The following GSE1 variants were observed in gnomAD, a reference collection of about 807,000 sequenced individuals.
The protein encoded by GSE1 is genetic suppressor element 1.
A neutral mutation model predicts 112.6 loss-of-function variants in GSE1; 32 were observed. The observed-to-expected ratio is 0.28, with a 90% CI of 0.21 to 0.38. The LOEUF is 0.38. Ranked by LOEUF, GSE1 falls within the 10% of genes least tolerant of loss-of-function variation. GSE1 has a pLI of 1.00. For synonymous variants in GSE1, 1,115 were observed against 735.6 expected, an observed-to-expected ratio of 1.52 and a Z score of -8.35; for missense variants, 2,348 against 1,699.2, an observed-to-expected ratio of 1.38 and a Z score of -6.71.
intron 1 of GSE1, among the ~76,000 whole-genome samples, chr16:85,240,614 C>T (rs540221735): frequency 1.3e-5 from 2 of 152,286 alleles, no homozygotes; most frequent in East Asian, 1.9e-4. Context: ...AGGGGTCTCC[C>T]AGACTTAAAC....
chr16:85,360,188 A>C (rs2047033282), intron 2 of GSE1, among the ~76,000 whole-genome samples: 1 of 152,114 alleles, frequency 6.6e-6, no homozygotes, highest in South Asian at 2.1e-4. Flanking sequence ...GTCCCTGGAA[A>C]GAACCTTGTC....
Position 85,652,600 on chromosome 16 carries a change from A to C in GSE1, c.427-1678A>C, listed in dbSNP as rs983482204. ...TTAATCCTCGCTGACTGTCTCCTGGAGGGTGGAGAGAGGGGAGGCGCCGGC... is the reference window on the plus strand; with the variant it reads ...TTAATCCTCGCTGACTGTCTCCTGGCGGGTGGAGAGAGGGGAGGCGCCGGC... On this transcript the variant is annotated intron_variant, in intron 3 of 15. Coordinates refer to ENST00000253458, the MANE Select transcript of GSE1 (RefSeq NM_014615.5). Among the ~76,000 whole-genome samples the C allele has an allele frequency of 1.1e-3, 162 of 152,178 alleles. 1 individual carries two copies. Among genetic ancestry groups the C allele is most frequent in the African/African-American group, 3.7e-3 (152 of 41,524 alleles).
At chr16:85,480,746 A>C (rs2151870205) in intron 2 of GSE1, among the ~76,000 whole-genome samples, 2 of 152,026 alleles carry the variant, frequency 1.3e-5, no homozygotes, top group Admixed American at 1.3e-4. Flanking sequence ...CTGGGTGGCC[A>C]GCACTGTCGG....
chr16:85,589,095 C>T (rs1567620383), intron 1 of GSE1, among the ~76,000 whole-genome samples: 1 of 152,120 alleles, frequency 6.6e-6, no homozygotes, highest in Admixed American at 6.5e-5. Flanking sequence ...TCCCCGTGTA[C>T]CCGCCTCTCC....
chr16:85,377,724 C>T (rs567554282), intron 2 of GSE1, among the ~76,000 whole-genome samples: 9 of 152,356 alleles, frequency 5.9e-5, no homozygotes, highest in South Asian at 4.1e-4. Flanking sequence ...CCGGGAGTGG[C>T]CGGCACCAGG....
chr16:85,319,159 A>C (rs2046046740), intron 1 of GSE1, among the ~76,000 whole-genome samples: 1 of 152,168 alleles, frequency 6.6e-6, no homozygotes, highest in South Asian at 2.1e-4. Flanking sequence ...CATTTAGGCA[A>C]ATGCCCAGGC....
chr16:85,390,042 G>C (rs2047801412), intron 2 of GSE1, among the ~76,000 whole-genome samples: 1 of 152,182 alleles, frequency 6.6e-6, no homozygotes, highest in African/African-American at 2.4e-5. Context: ...CGGGGCCTAG[G>C]CTGGGATTCA....
chr16:85,376,507 G>A (rs1038966429), intron 2 of GSE1, among the ~76,000 whole-genome samples: 1 of 152,226 alleles, frequency 6.6e-6, no homozygotes, highest in African/African-American at 2.4e-5. Context: ...GTGGCCGGGT[G>A]GTGTGGGCAG....
At chr16:85,634,806 T>G (rs1187002623) in intron 2 of GSE1, among the ~76,000 whole-genome samples, 1 of 152,190 alleles carries the variant, frequency 6.6e-6, no homozygotes, top group Admixed American at 6.5e-5. Context: ...GCTCTGGCTC[T>G]GGGGTACTTT....
intron 1 of GSE1, among the ~76,000 whole-genome samples, chr16:85,184,077 G>A (rs1170046968): frequency 2.0e-5 from 3 of 152,230 alleles, no homozygotes; most frequent in East Asian, 1.9e-4. Context: ...TCCCTCAGAA[G>A]CAAGGCGTCA....
Position 85,296,077 on chromosome 16 carries a change from G to A in GSE1, c.2284-61386G>A, listed in dbSNP as rs189893952. On this transcript the variant is annotated intron_variant, in intron 1 of 2. Transcript: ENST00000637419. Reference sequence around the variant, plus strand: ...TTTGCAGGCTGAGAACCAGGAGGCCGGCTTGGGAAATGTAGGGATGAAAGC... The same window carrying A: ...TTTGCAGGCTGAGAACCAGGAGGCCAGCTTGGGAAATGTAGGGATGAAAGC... 5.9e-4 allele frequency among the ~76,000 whole-genome samples: 90 copies of A among 152,264 alleles called. 1 individual carries two copies. Among genetic ancestry groups the A allele is most frequent in the African/African-American group, 2.0e-3 (84 of 41,532 alleles).
At chr16:85,521,730 G>A (rs941750597) in intron 2 of GSE1, among the ~76,000 whole-genome samples, 3 of 152,244 alleles carry the variant, frequency 2.0e-5, no homozygotes, top group African/African-American at 4.8e-5. Context: ...GTTGCTCTGT[G>A]GAGGGCAGGG....
intron 1 of GSE1, among the ~76,000 whole-genome samples, chr16:85,230,702 C>T (rs1567625305): frequency 2.0e-5 from 3 of 152,232 alleles, no homozygotes; most frequent in African/African-American, 4.8e-5. Context: ...TGGCCTACCC[C>T]GGGGCACATG....
chr16:85,560,809 G>T (rs1301693287), intron 1 of GSE1, among the ~76,000 whole-genome samples: 1 of 152,040 alleles, frequency 6.6e-6, no homozygotes, highest in East Asian at 1.9e-4. Flanking sequence ...TGCCGGGCCA[G>T]TAATAACGAT....
At chr16:85,324,311 A>G (rs560165328) in intron 1 of GSE1, among the ~76,000 whole-genome samples, 1 of 152,288 alleles carries the variant, frequency 6.6e-6, no homozygotes, top group Non-Finnish European at 1.5e-5. Flanking sequence ...GGAGTTTGAG[A>G]CCAGCCTGGC....
chr16:85,497,436 G>A (rs1056786542), intron 2 of GSE1, among the ~76,000 whole-genome samples: 2 of 152,194 alleles, frequency 1.3e-5, no homozygotes, highest in African/African-American at 4.8e-5. Context: ...GGGGCCCACG[G>A]GATGGTTGGG....
At chr16:85,630,687 C>G (rs1473493200) in intron 1 of GSE1, among the ~76,000 whole-genome samples, 1 of 152,204 alleles carries the variant, frequency 6.6e-6, no homozygotes, top group Non-Finnish European at 1.5e-5. Context: ...ACCATTCACG[C>G]CTTCTGATCG....
At chr16:85,338,050 G>A (rs1468860892) in intron 1 of GSE1, among the ~76,000 whole-genome samples, 1 of 152,158 alleles carries the variant, frequency 6.6e-6, no homozygotes, top group East Asian at 1.9e-4. Flanking sequence ...CAGAAGCCAC[G>A]CCTTCCCTGT....
chr16:85,421,363 C>G (rs1276028802), intron 2 of GSE1, among the ~76,000 whole-genome samples: 2 of 152,122 alleles, frequency 1.3e-5, no homozygotes, highest in Non-Finnish European at 2.9e-5. Context: ...TTTCCACACC[C>G]TCTGGACACT....
Sources: gnomAD v4.1 joint callset for allele counts (sites outside exome capture counted in the v4.1 genomes callset) on GRCh38, gnomAD v4.1.1 for gene constraint, MANE v1.5 for transcripts, NCBI Gene and HGNC (gene_info 2026-07-23, HGNC 2026-07-21) for gene names.